Variants in GRID1 observed in about 807,000 individuals in gnomAD.
GRID1 encodes glutamate ionotropic receptor delta type subunit 1, also known as glutamate receptor ionotropic, delta-1.
Under a neutral mutation model 98.0 loss-of-function variants are expected in GRID1, and 28 were observed. That is an observed-to-expected ratio of 0.29 (90% CI 0.21 to 0.39). The LOEUF is 0.39. GRID1 is among the 10% of genes least tolerant of loss of function. GRID1 has a pLI of 1.00. For synonymous variants in GRID1, 553 were observed against 538.5 expected (o/e 1.03, Z -0.37); for missense variants, 1,111 against 1,340.5 (o/e 0.83, Z 2.67).
chr10:86,256,045 T>C (rs1846912740), intron 2 of GRID1, among the ~76,000 whole-genome samples: 1 of 152,088 alleles, frequency 6.6e-6, no homozygotes, highest in Admixed American at 6.5e-5. Context: ...ACAGAAATCT[T>C]CCAGCTCAGC....
chr10:85,899,846 C>T (rs1573053), intron 5 of GRID1, among the ~76,000 whole-genome samples: 2,655 of 152,260 alleles, frequency 0.017, 69 homozygotes, highest in African/African-American at 0.06. Flanking sequence ...CCCCTCATTG[C>T]CTCAGTAGCT....
Position 85,911,031 on chromosome 10 carries a change from G to T in GRID1, c.780+5155C>A, listed in dbSNP as rs543014255. 6.6e-4 allele frequency among the ~76,000 whole-genome samples: 101 copies of T among 152,296 alleles called. 1 individual carries two copies. In the South Asian group the frequency reaches 0.02, roughly 31 times the overall value. On this transcript the variant is annotated intron_variant, in intron 5 of 15. Coordinates refer to ENST00000327946, the MANE Select transcript of GRID1 (RefSeq NM_017551.3). ...AAGTCACTCATCCATTTGCAGGGAT[G>T]ACCCATGAGATATGAACGCAATAGT...
In GRID1 at chr10:86,192,249, A is replaced by G. The variant is rs1304379774; in HGVS notation, c.520+14115T>C. 1.3e-5 allele frequency among the ~76,000 whole-genome samples: 2 copies of G among 152,202 alleles called. No homozygotes were observed. The highest frequency in any genetic ancestry group is 1.9e-4 in the East Asian group (1 of 5,202). The stretch of plus-strand genomic sequence containing the variant: ...ACGACATTCCTCTCCCAACACCCTC[A>G]GAAAGCCAAGTGGACCAAAGGTAGA... On this transcript the variant is annotated intron_variant, in intron 3 of 15. Transcript: ENST00000327946. The surrounding 1 kb of genome is among the most constrained non-coding windows in gnomAD (Gnocchi z 4.8).
At chr10:86,148,940 C>T (rs1354430396) in intron 3 of GRID1, among the ~76,000 whole-genome samples, 1 of 152,194 alleles carries the variant, frequency 6.6e-6, no homozygotes, top group African/African-American at 2.4e-5. Context: ...GCCAACCCCA[C>T]CTTCCTCCTA....
At chr10:85,892,569 T>G (rs1339179748) in intron 5 of GRID1, among the ~76,000 whole-genome samples, 2 of 151,802 alleles carry the variant, frequency 1.3e-5, no homozygotes, top group African/African-American at 4.8e-5. Flanking sequence ...AAAACTATGT[T>G]TTTCCTAGAT....
intron 5 of GRID1, among the ~76,000 whole-genome samples, chr10:85,914,039 A>G (rs1019443322): frequency 2.0e-5 from 3 of 152,170 alleles, no homozygotes; most frequent in African/African-American, 7.2e-5. Context: ...TCCAACAGGT[A>G]TACCCCATAT....
At chr10:85,976,167 T>C (rs899003826) in intron 4 of GRID1, among the ~76,000 whole-genome samples, 2 of 152,248 alleles carry the variant, frequency 1.3e-5, no homozygotes, top group African/African-American at 4.8e-5. Flanking sequence ...ATTTATTTTC[T>C]CTAATTTGAT....
At chr10:86,182,325 G>A (rs1330915083) in intron 3 of GRID1, among the ~76,000 whole-genome samples, 3 of 152,236 alleles carry the variant, frequency 2.0e-5, no homozygotes, top group African/African-American at 7.2e-5. Context: ...AGGCATCAGT[G>A]GGGGAGCCTC....
At chr10:85,730,159 C>T (rs749439403) in intron 8 of GRID1, among the ~76,000 whole-genome samples, 4 of 152,214 alleles carry the variant, frequency 2.6e-5, no homozygotes, top group Non-Finnish European at 5.9e-5. Flanking sequence ...CCCTCATTTT[C>T]CTTGACAGGC....
intron 12 of GRID1, among the ~76,000 whole-genome samples, chr10:85,664,856 A>G (rs1010908565): frequency 6.6e-6 from 1 of 152,164 alleles, no homozygotes; most frequent in Non-Finnish European, 1.5e-5. Flanking sequence ...GCTTCACACT[A>G]GGTATGTTAA....
intron 4 of GRID1, among the ~76,000 whole-genome samples, chr10:86,005,350 G>GA (rs34746369): frequency 0.5 from 74,660 of 148,498 alleles, 19,166 homozygotes; most frequent in South Asian, 0.61. Context: ...AAAATAAATT[G>GA]AAAAAAAAAA....
rs1847543616 is a variant in GRID1, at chr10:86,293,363, C to G, written c.235+70578G>C. Among the ~76,000 whole-genome samples the G allele has an allele frequency of 2.0e-5, 3 of 152,268 alleles. No homozygotes were observed. The South Asian group carries it at 6.2e-4, about 32-fold the overall frequency. On this transcript the variant is annotated intron_variant, in intron 2 of 15. Transcript: ENST00000327946. ...AGACTTGAGGAGAAGGGCCCCCACA[C>G]TGCTCAGGCCCCTGCAGCTACCCCC...
At chr10:86,134,131 G>A (rs924352613) in intron 4 of GRID1, among the ~76,000 whole-genome samples, 25 of 152,234 alleles carry the variant, frequency 1.6e-4, no homozygotes, top group Non-Finnish European at 1.3e-4. Context: ...CTTAGTGGAT[G>A]ACAGCCCTGG....
intron 4 of GRID1, among the ~76,000 whole-genome samples, chr10:86,060,662 T>A (rs186016034): frequency 1.3e-4 from 20 of 152,328 alleles, no homozygotes; most frequent in African/African-American, 4.1e-4. Context: ...TGGCCTGGAC[T>A]GGTTTCAGCA....
At chr10:86,260,930 C>T (rs1847007793) in intron 2 of GRID1, among the ~76,000 whole-genome samples, 1 of 152,230 alleles carries the variant, frequency 6.6e-6, no homozygotes, top group Admixed American at 6.5e-5. Context: ...AAACAAAGAC[C>T]CAGCAGGTGG....
intron 4 of GRID1, among the ~76,000 whole-genome samples, chr10:86,047,380 A>AT (rs1843438464): frequency 6.6e-6 from 1 of 152,222 alleles, no homozygotes; most frequent in Non-Finnish European, 1.5e-5. Context: ...GCTTTAGGTG[A>AT]TTAATAGAGT....
chr10:85,829,281 C>T (rs1842846750), intron 8 of GRID1, among the ~76,000 whole-genome samples: 1 of 152,004 alleles, frequency 6.6e-6, no homozygotes, highest in Admixed American at 6.6e-5. Context: ...CCTCAACAAA[C>T]TAGGCATTAA....
rs1161714438 is a variant in GRID1, at chr10:85,865,055, A to G, written c.951+3955T>C. ...AGAGTACGTTACAGATTCTCCTCTG[A>G]GCAAAGATGTCTGTGAAATCTTAGC... On this transcript the variant is annotated intron_variant, in intron 6 of 15. Transcript: ENST00000327946. Among the ~76,000 whole-genome samples, 4 of 152,308 alleles carry G rather than the reference A, an allele frequency of 2.6e-5. No individual in the cohort carries two copies. In the East Asian group the frequency reaches 5.8e-4, roughly 22 times the overall value.
At chr10:85,789,504 G>GA (rs1842459214) in intron 8 of GRID1, among the ~76,000 whole-genome samples, 2 of 152,156 alleles carry the variant, frequency 1.3e-5, no homozygotes, top group African/African-American at 4.8e-5. Flanking sequence ...CTCTTAGGGT[G>GA]AAAATGGGTC....
Sources: gnomAD v4.1 joint callset for allele counts (sites outside exome capture counted in the v4.1 genomes callset) on GRCh38, gnomAD v4.1.1 for gene constraint, Gnocchi (gnomAD v3.1) non-coding constraint, MANE v1.5 for transcripts, NCBI Gene and HGNC (gene_info 2026-07-23, HGNC 2026-07-21) for gene names.